Variants in IPO7 observed in about 807,000 individuals in gnomAD.
The protein encoded by IPO7 is importin-7.
In IPO7, 13 loss-of-function variants were observed where a neutral mutation model predicts 136.4. The observed-to-expected ratio is 0.10, with a 90% confidence interval of 0.06 to 0.15. The LOEUF is 0.15. IPO7 is among the 10% of genes least tolerant of loss of function. The pLI is 1.00. For synonymous variants in IPO7, 403 were observed against 404.4 expected (o/e 1.00, Z 0.04); for missense variants, 857 against 1,240.6 (o/e 0.69, Z 4.65).
At position 9,446,666 on chromosome 11, in the gene IPO7, C is replaced by T. The variant is rs181912047; in HGVS notation, c.*1472C>T. On this transcript the variant is annotated 3_prime_UTR_variant, in exon 25 of 25. Transcript: ENST00000379719. ...TTAATGGATTCAAAACTATTACAAG[C>T]TGTTGTCTAAAACAGGTGAGAAAAA... The T allele has an allele frequency of 1.6e-4, 24 of 152,234 alleles. No homozygotes were observed. Among genetic ancestry groups the T allele is most frequent in the African/African-American group, 5.1e-4 (21 of 41,554 alleles). The allele number at this position is 152,234 out of a possible 1,614,324, so 9.4% of individuals were successfully genotyped here.
intron 1 of IPO7, among the ~76,000 whole-genome samples, chr11:9,401,561 TAAAAAA>T (rs11330854): frequency 7.1e-6 from 1 of 139,910 alleles, no homozygotes; most frequent in Non-Finnish European, 1.5e-5. Context: ...AACAAAAAAT[TAAAAAA>T]AAAAAAAAAA....
chr11:9,392,098 A>G (rs767874071), intron 1 of IPO7: 8 of 318,696 alleles, frequency 2.5e-5, no homozygotes, highest in Non-Finnish European at 4.3e-5. Flanking sequence ...GTCTACGACT[A>G]TAATGACTTA....
In IPO7 at chr11:9,446,956, T is replaced by G. The variant is rs1050687491; in HGVS notation, c.*1762T>G. On this transcript the variant is annotated 3_prime_UTR_variant, in exon 25 of 25. Coordinates refer to ENST00000379719, the MANE Select transcript of IPO7 (RefSeq NM_006391.3). Reference sequence around the variant, plus strand: ...AAGTGTTTCTACTCCCCCCCGAAAATCCCCTGAAAGTTGGACACCAACTGT... The same window carrying G: ...AAGTGTTTCTACTCCCCCCCGAAAAGCCCCTGAAAGTTGGACACCAACTGT... 2 of 151,988 alleles carry G rather than the reference T, an allele frequency of 1.3e-5. No homozygotes were observed. The allele number at this position is 151,988 out of a possible 1,614,324, so 9.4% of individuals were successfully genotyped here.
In IPO7 at chr11:9,447,532, T is replaced by C. The variant is rs1447786530; in HGVS notation, c.*2338T>C. 6.6e-6 allele frequency: 1 copy of C among 152,212 alleles called. No homozygotes were observed. Among genetic ancestry groups the C allele is most frequent in the Non-Finnish European group, 1.5e-5 (1 of 68,038 alleles). The allele number at this position is 152,212 out of a possible 1,614,324, so 9.4% of individuals were successfully genotyped here. A position where few individuals can be genotyped will look rare whatever the true frequency, so the allele number is the denominator to read the frequency against. The stretch of plus-strand genomic sequence containing the variant: ...TCAGTTTCTAGATGAGGCTGCAGGA[T>C]TTTTGGAAAACTTTTTGAATGTATT... On this transcript the variant is annotated 3_prime_UTR_variant, in exon 25 of 25. Transcript: ENST00000379719.
At chr11:9,429,574 A>G in intron 14 of IPO7, 100 bp from the exon 15 acceptor site, 1 of 817,862 alleles carries the variant, frequency 1.2e-6, no homozygotes, top group Non-Finnish European at 1.9e-6. Flanking sequence ...CTTCCTTTTT[A>G]TGTGAAAGTA....
At chr11:9,390,577 T>G (rs1301661456) in intron 1 of IPO7, among the ~76,000 whole-genome samples, 2 of 152,272 alleles carry the variant, frequency 1.3e-5, no homozygotes, top group African/African-American at 2.4e-5. Context: ...TGAAGTACTG[T>G]TCTGAATTTG....
chr11:9,442,496 C>T (rs1438966028), intron 24 of IPO7, among the ~76,000 whole-genome samples: 1 of 152,030 alleles, frequency 6.6e-6, no homozygotes, highest in Non-Finnish European at 1.5e-5. Context: ...TCACTGCAAG[C>T]TCTACCTCCC....
At chr11:9,437,300 C>T (rs575651718) in intron 20 of IPO7, among the ~76,000 whole-genome samples, 4 of 151,378 alleles carry the variant, frequency 2.6e-5, no homozygotes, top group African/African-American at 9.7e-5. Flanking sequence ...CTCTGTCGCT[C>T]AGGCTGGAGT....
At chr11:9,407,497 G>A (rs1854904249) in intron 2 of IPO7, among the ~76,000 whole-genome samples, 1 of 152,146 alleles carries the variant, frequency 6.6e-6, no homozygotes, top group African/African-American at 2.4e-5. Context: ...AGAGGTTGCA[G>A]TGAGCCGAGA....
intron 2 of IPO7, among the ~76,000 whole-genome samples, chr11:9,408,208 G>GGGATA (rs1854915077): frequency 6.6e-6 from 1 of 152,062 alleles, no homozygotes; most frequent in East Asian, 1.9e-4. Flanking sequence ...AGGGTTAAAA[G>GGGATA]TGTTGTGACG....
intron 1 of IPO7, among the ~76,000 whole-genome samples, chr11:9,399,407 C>T (rs539261952): frequency 0.011 from 1,730 of 152,128 alleles, 14 homozygotes; most frequent in Non-Finnish European, 0.015. Context: ...GTGATCCACC[C>T]GCCTCGGCCT....
chr11:9,412,077 T>C (rs201266687), intron 4 of IPO7, among the ~76,000 whole-genome samples: 1 of 152,220 alleles, frequency 6.6e-6, no homozygotes. Flanking sequence ...TGAATTGTTA[T>C]TTTGTCAACT....
intron 4 of IPO7, among the ~76,000 whole-genome samples, chr11:9,411,666 T>G (rs1854970034): frequency 6.6e-6 from 1 of 152,194 alleles, no homozygotes; most frequent in African/African-American, 2.4e-5. Context: ...AGAATAGTGA[T>G]AAGACTAGTA....
intron 1 of IPO7, among the ~76,000 whole-genome samples, chr11:9,402,506 G>A (rs1413657938): frequency 2.0e-5 from 3 of 148,348 alleles, no homozygotes; most frequent in Non-Finnish European, 4.5e-5. Context: ...GGTGGATCAC[G>A]AGGTCAGGAG....
chr11:9,439,421 A>T (rs1855429225), intron 22 of IPO7, among the ~76,000 whole-genome samples: 1 of 150,756 alleles, frequency 6.6e-6, no homozygotes, highest in Non-Finnish European at 1.5e-5. Context: ...GAGCCGTGAA[A>T]CCCCATTTCT....
intron 1 of IPO7, among the ~76,000 whole-genome samples, chr11:9,390,331 T>C (rs1244761513): frequency 6.6e-6 from 1 of 152,014 alleles, no homozygotes; most frequent in Non-Finnish European, 1.5e-5. Context: ...CCTGGATCAC[T>C]TTTGGGATTG....
At chr11:9,438,045 GTTTTTTTT>G (rs202038310) in intron 21 of IPO7, 27 bp from the exon 22 acceptor site, 915 of 1,093,066 alleles carry the variant, frequency 8.4e-4, no homozygotes, top group African/African-American at 3.8e-3. Flanking sequence ...AAAGAAAACA[GTTTTTTTT>G]TTTTTTTTTT....
At chr11:9,423,747 G>C (rs373498082) in intron 9 of IPO7, 30 bp from the exon 10 acceptor site, 1 of 1,372,560 alleles carries the variant, frequency 7.3e-7, no homozygotes, top group Non-Finnish European at 1.0e-6. Flanking sequence ...AAAACTGATG[G>C]TTATTGTTTT....
At chr11:9,426,098 C>G (rs1590445154) in intron 12 of IPO7, among the ~76,000 whole-genome samples, 1 of 152,054 alleles carries the variant, frequency 6.6e-6, no homozygotes. Context: ...GTGTACAACT[C>G]AGTGGTTTTT....
Sources: allele counts gnomAD v4.1 joint callset (sites outside exome capture counted in the v4.1 genomes callset), GRCh38; gene constraint gnomAD v4.1.1; transcripts MANE v1.5; gene names NCBI Gene and HGNC (gene_info 2026-07-23, HGNC 2026-07-21).